Variants in FAM20C observed in about 807,000 individuals in gnomAD.
FAM20C encodes extracellular serine/threonine protein kinase FAM20C.
In FAM20C, 40 loss-of-function variants were observed where a neutral mutation model predicts 51.5. The ratio of observed to expected loss-of-function variants is 0.78; its 90% CI spans 0.60 to 1.01. FAM20C has a LOEUF of 1.01. Ranked by LOEUF, FAM20C falls within the 50% of genes least tolerant of loss-of-function variation. The pLI is 0.00. For missense variants in FAM20C, 861 were observed against 844.7 expected (o/e 1.02, Z -0.24); for synonymous variants, 406 against 380.6 (o/e 1.07, Z -0.78).
At chr7:231,899 C>T (rs1236177981) in intron 3 of FAM20C, among the ~76,000 whole-genome samples, 1 of 152,156 alleles carries the variant, frequency 6.6e-6, no homozygotes, top group Non-Finnish European at 1.5e-5. Flanking sequence ...CTGGGGCGGT[C>T]CTCTGTGCTG....
At chr7:214,414 T>C (rs924753920) in intron 3 of FAM20C, among the ~76,000 whole-genome samples, 5 of 152,218 alleles carry the variant, frequency 3.3e-5, no homozygotes, top group Non-Finnish European at 5.9e-5. Context: ...TTTTAGGACG[T>C]CCAATTTAGT....
chr7:246,309 C>T, intron 3 of FAM20C, 106 bp from the exon 4 acceptor site: 2 of 944,162 alleles, frequency 2.1e-6, no homozygotes, highest in Non-Finnish European at 3.3e-6. Context: ...GAGGCTGGAG[C>T]TCCACCGCAT....
intron 8 of FAM20C, among the ~76,000 whole-genome samples, chr7:258,410 GGGTGGGGTGGA>G (rs1788726727): frequency 9.6e-5 from 6 of 62,434 alleles, no homozygotes; most frequent in Admixed American, 3.5e-4. Context: ...TGCTGGAGAT[GGGTGGGGTGGA>G]CCCACTGCCT....
chr7:244,052 AGCCTCCC>A (rs1209710796), intron 3 of FAM20C, among the ~76,000 whole-genome samples: 27 of 151,710 alleles, frequency 1.8e-4, no homozygotes, highest in African/African-American at 6.5e-4. Flanking sequence ...CTCCCATCTC[AGCCTCCC>A]GCGTAGCTGG....
intron 2 of FAM20C, among the ~76,000 whole-genome samples, chr7:208,196 T>G (rs1404884368): frequency 3.3e-5 from 3 of 91,608 alleles, no homozygotes; most frequent in Non-Finnish European, 8.1e-5. Context: ...GGGGGGTGTC[T>G]GTGGGTGTGT....
intron 5 of FAM20C, among the ~76,000 whole-genome samples, chr7:252,894 C>T (rs1385392040): frequency 6.6e-6 from 1 of 152,262 alleles, no homozygotes; most frequent in Non-Finnish European, 1.5e-5. Context: ...TTACCGTCTG[C>T]ACGTTGCAAA....
At chr7:201,764 G>C (rs62428651) in intron 2 of FAM20C, among the ~76,000 whole-genome samples, 1 of 152,186 alleles carries the variant, frequency 6.6e-6, no homozygotes, top group Non-Finnish European at 1.5e-5. Flanking sequence ...AACTGCATAC[G>C]AACATCGCCT....
At chr7:236,599 G>T (rs886701627) in intron 3 of FAM20C, among the ~76,000 whole-genome samples, 1 of 152,172 alleles carries the variant, frequency 6.6e-6, no homozygotes, top group African/African-American at 2.4e-5. Flanking sequence ...GGGCCACCCA[G>T]CAAGCACTCT....
chr7:251,669 G>A (rs1033211172), intron 5 of FAM20C, among the ~76,000 whole-genome samples: 5 of 152,208 alleles, frequency 3.3e-5, no homozygotes, highest in African/African-American at 9.6e-5. Flanking sequence ...GTGCTGCAAG[G>A]CGGCCATCGA....
At chr7:248,272 A>C in intron 4 of FAM20C, 43 bp from the exon 5 acceptor site, 1 of 1,427,798 alleles carries the variant, frequency 7.0e-7, no homozygotes, top group Non-Finnish European at 9.5e-7. Context: ...AGGCCCGCTG[A>C]GCCGCACAGA....
intron 3 of FAM20C, among the ~76,000 whole-genome samples, chr7:220,492 A>T (rs1417038447): frequency 1.3e-5 from 2 of 152,182 alleles, no homozygotes; most frequent in Non-Finnish European, 2.9e-5. Flanking sequence ...ACGAAGGAGC[A>T]TGGCAGAGAC....
intron 2 of FAM20C, among the ~76,000 whole-genome samples, chr7:204,713 G>A (rs113267431): frequency 6.6e-6 from 1 of 152,270 alleles, no homozygotes; most frequent in African/African-American, 2.4e-5. Context: ...TCAGGGAGGG[G>A]AAGTGGCACC....
intron 8 of FAM20C, 103 bp from the exon 9 acceptor site, chr7:258,543 G>T: frequency 8.5e-7 from 1 of 1,173,282 alleles, no homozygotes; most frequent in African/African-American, 1.5e-5. Flanking sequence ...ACTGCCTGGG[G>T]TGTCGGGTAC....
intron 3 of FAM20C, among the ~76,000 whole-genome samples, chr7:232,215 G>A (rs1006439526): frequency 2.6e-5 from 4 of 152,334 alleles, no homozygotes; most frequent in African/African-American, 9.6e-5. Context: ...AAAACCTCGG[G>A]GGACACCCCA....
intron 2 of FAM20C, among the ~76,000 whole-genome samples, chr7:200,813 C>T (rs1052582119): frequency 7.9e-5 from 12 of 152,128 alleles, no homozygotes; most frequent in African/African-American, 2.7e-4. Context: ...CCAGGAGAGT[C>T]GAGGACTGGC....
chr7:223,192 C>T (rs895413976), intron 3 of FAM20C, among the ~76,000 whole-genome samples: 1 of 152,108 alleles, frequency 6.6e-6, no homozygotes, highest in African/African-American at 2.4e-5. Flanking sequence ...GGGCCTGGGG[C>T]GAGCTCCCTT....
intron 3 of FAM20C, among the ~76,000 whole-genome samples, chr7:235,947 C>G (rs1368892578): frequency 6.6e-6 from 1 of 152,332 alleles, no homozygotes; most frequent in South Asian, 2.1e-4. Flanking sequence ...CGGCTAACCC[C>G]GCTGGATCTG....
intron 2 of FAM20C, among the ~76,000 whole-genome samples, chr7:208,157 G>A (rs1471766478): frequency 6.6e-6 from 1 of 152,036 alleles, no homozygotes; most frequent in Non-Finnish European, 1.5e-5. Context: ...GGGTGTGTGT[G>A]GTCGTGCAGG....
chr7:222,515 GGA>G (rs1787271259), intron 3 of FAM20C, among the ~76,000 whole-genome samples: 10 of 152,166 alleles, frequency 6.6e-5, no homozygotes, highest in Admixed American at 6.5e-4. Flanking sequence ...CACTGAGAGG[GGA>G]GTGCACAGGT....
Sources: gnomAD v4.1 joint callset for allele counts (sites outside exome capture counted in the v4.1 genomes callset) on GRCh38, gnomAD v4.1.1 for gene constraint, MANE v1.5 for transcripts, NCBI Gene and HGNC (gene_info 2026-07-23, HGNC 2026-07-21) for gene names.